The following EPHB1 variants were observed in gnomAD, a reference collection of about 807,000 sequenced individuals.
EPHB1 encodes ephrin type-B receptor 1.
A neutral mutation model predicts 94.4 loss-of-function variants in EPHB1; 30 were observed. The ratio of observed to expected loss-of-function variants is 0.32; its 90% CI spans 0.24 to 0.43. EPHB1 has a LOEUF of 0.43. Ranked by LOEUF, EPHB1 falls within the 20% of genes least tolerant of loss-of-function variation. The pLI, the probability that EPHB1 is intolerant of heterozygous loss-of-function variation, is 1.00. For synonymous variants in EPHB1, 522 were observed against 489.1 expected, an observed-to-expected ratio of 1.07 and a Z score of -0.89; for missense variants, 1,055 against 1,308.3, an observed-to-expected ratio of 0.81 and a Z score of 2.99.
At chr3:135,051,089 T>C (rs1268636889) in intron 3 of EPHB1, among the ~76,000 whole-genome samples, 1 of 152,238 alleles carries the variant, frequency 6.6e-6, no homozygotes, top group East Asian at 1.9e-4. Context: ...TATTTCCTTA[T>C]GGCAACACAA....
chr3:135,257,125 T>C (rs1244839304), intron 15 of EPHB1, among the ~76,000 whole-genome samples: 1 of 150,702 alleles, frequency 6.6e-6, no homozygotes, highest in Non-Finnish European at 1.5e-5. Context: ...CTTCTAAATT[T>C]TTTTCAAAGG....
chr3:134,994,950 T>A (rs1314764629), intron 3 of EPHB1, among the ~76,000 whole-genome samples: 1 of 152,042 alleles, frequency 6.6e-6, no homozygotes, highest in Non-Finnish European at 1.5e-5. Context: ...ATACAATTGA[T>A]TGACTTTAGT....
intron 3 of EPHB1, among the ~76,000 whole-genome samples, chr3:134,956,200 C>G (rs960710295): frequency 2.0e-5 from 3 of 152,026 alleles, no homozygotes; most frequent in African/African-American, 7.2e-5. Flanking sequence ...GGGGGTGTCT[C>G]AGAAATAGGC....
chr3:135,076,127 C>T (rs1937902690), intron 3 of EPHB1, among the ~76,000 whole-genome samples: 1 of 151,734 alleles, frequency 6.6e-6, no homozygotes, highest in Non-Finnish European at 1.5e-5. Flanking sequence ...ATGTTTTGAC[C>T]TTAGGGCAAA....
intron 1 of EPHB1, among the ~76,000 whole-genome samples, chr3:134,840,168 G>T (rs1267218806): frequency 6.6e-6 from 1 of 152,152 alleles, no homozygotes; most frequent in African/African-American, 2.4e-5. Context: ...ATGGCACAGG[G>T]CCCAGGGCTT....
intron 4 of EPHB1, among the ~76,000 whole-genome samples, chr3:135,120,263 C>T (rs1939896737): frequency 6.6e-6 from 1 of 152,182 alleles, no homozygotes; most frequent in South Asian, 2.1e-4. Flanking sequence ...TTCAAGTCTT[C>T]TTTTACGTTC....
chr3:134,972,121 C>A (rs1329347950), intron 3 of EPHB1, among the ~76,000 whole-genome samples: 1 of 152,080 alleles, frequency 6.6e-6, no homozygotes, highest in Admixed American at 6.6e-5. Flanking sequence ...AATTGCCTCT[C>A]CCCTGTGTGG....
At chr3:134,971,763 C>A (rs1933976499) in intron 3 of EPHB1, among the ~76,000 whole-genome samples, 1 of 152,202 alleles carries the variant, frequency 6.6e-6, no homozygotes, top group African/African-American at 2.4e-5. Context: ...AGCTAAGGCT[C>A]CTGGCCTGTT....
chr3:135,180,684 C>T (rs1480639474), intron 10 of EPHB1, among the ~76,000 whole-genome samples: 1 of 152,178 alleles, frequency 6.6e-6, no homozygotes, highest in Non-Finnish European at 1.5e-5. Flanking sequence ...CTAGAATTTT[C>T]ATCTTCCTTT....
At chr3:135,254,735 T>C (rs1429119768) in intron 15 of EPHB1, among the ~76,000 whole-genome samples, 1 of 152,138 alleles carries the variant, frequency 6.6e-6, no homozygotes, top group Admixed American at 6.6e-5. Context: ...CCTCATAAAA[T>C]GAGTTAGGGA....
intron 3 of EPHB1, among the ~76,000 whole-genome samples, chr3:135,066,027 C>T (rs572033014): frequency 2.4e-4 from 36 of 152,276 alleles, no homozygotes; most frequent in Non-Finnish European, 4.0e-4. Flanking sequence ...AGATAGGGTC[C>T]CAGTCCCTTC....
intron 1 of EPHB1, among the ~76,000 whole-genome samples, chr3:134,924,519 A>C (rs2038752050): frequency 6.6e-6 from 1 of 152,244 alleles, no homozygotes; most frequent in South Asian, 2.1e-4. Flanking sequence ...GGAAATGAAA[A>C]TTAGGACCAT....
intron 3 of EPHB1, among the ~76,000 whole-genome samples, chr3:135,099,981 G>A (rs1000707001): frequency 2.6e-5 from 4 of 152,190 alleles, no homozygotes; most frequent in African/African-American, 9.7e-5. Flanking sequence ...TGAGCCAGCT[G>A]CTGAGCTGCA....
At chr3:134,924,917 G>A (rs1035560887) in intron 1 of EPHB1, among the ~76,000 whole-genome samples, 2 of 152,204 alleles carry the variant, frequency 1.3e-5, no homozygotes, top group Admixed American at 6.5e-5. Flanking sequence ...GGTGGGTTAG[G>A]AGCAGGAGGA....
chr3:135,239,622 G>A (rs1283200814), intron 12 of EPHB1, among the ~76,000 whole-genome samples: 1 of 152,204 alleles, frequency 6.6e-6, no homozygotes, highest in African/African-American at 2.4e-5. Flanking sequence ...GGAGTGATGA[G>A]CTTTTGAGGA....
chr3:135,077,804 G>A (rs1193990409), intron 3 of EPHB1, among the ~76,000 whole-genome samples: 1 of 152,206 alleles, frequency 6.6e-6, no homozygotes, highest in Non-Finnish European at 1.5e-5. Context: ...GGCATTTGTG[G>A]TTGACTTTGC....
intron 3 of EPHB1, among the ~76,000 whole-genome samples, chr3:134,964,845 G>A (rs967473339): frequency 6.6e-6 from 1 of 152,152 alleles, no homozygotes; most frequent in Non-Finnish European, 1.5e-5. Flanking sequence ...ACATTTCATT[G>A]ATAGAATTTT....
chr3:135,179,837 C>T (rs772021199), intron 9 of EPHB1, 23 bp from the exon 10 acceptor site: 1 of 1,613,194 alleles, frequency 6.2e-7, no homozygotes, highest in Non-Finnish European at 8.5e-7. Context: ...GGGATGTTAA[C>T]CCTGCTTATC....
At chr3:134,905,748 C>T (rs1471118643) in intron 1 of EPHB1, among the ~76,000 whole-genome samples, 2 of 152,166 alleles carry the variant, frequency 1.3e-5, no homozygotes, top group African/African-American at 4.8e-5. Context: ...TGACCAGGAG[C>T]CTTGCTGTGG....
Sources: allele counts gnomAD v4.1 joint callset (sites outside exome capture counted in the v4.1 genomes callset), GRCh38; gene constraint gnomAD v4.1.1; transcripts MANE v1.5; gene names NCBI Gene and HGNC (gene_info 2026-07-23, HGNC 2026-07-21).